The following DCDC1 variants were observed in gnomAD, a reference collection of about 807,000 sequenced individuals.
DCDC1 encodes the protein doublecortin domain containing 1, also known as doublecortin domain-containing protein 1.
In DCDC1, 200 loss-of-function variants were observed where a neutral mutation model predicts 178.3. That is an observed-to-expected ratio of 1.12 (90% CI 1.00 to 1.26). The LOEUF (loss-of-function observed/expected upper bound fraction) is 1.26. DCDC1 is among the 50% of genes most tolerant of loss of function. DCDC1 has a pLI of 0.00. For synonymous variants in DCDC1, 690 were observed against 604.8 expected (o/e 1.14, Z -2.07); for missense variants, 1,983 against 1,749.2 (o/e 1.13, Z -2.38).
intron 1 of DCDC1, among the ~76,000 whole-genome samples, chr11:31,364,527 C>T (rs1445109598): frequency 6.6e-6 from 1 of 151,990 alleles, no homozygotes; most frequent in East Asian, 1.9e-4. Context: ...AAGATAAAGA[C>T]CTATAAGAGG....
At chr11:31,094,827 G>A (rs527740221) in intron 15 of DCDC1, among the ~76,000 whole-genome samples, 2 of 151,942 alleles carry the variant, frequency 1.3e-5, no homozygotes, top group Non-Finnish European at 2.9e-5. Context: ...AAGTTCTGGG[G>A]TACATGTGCA....
At chr11:30,899,839 A>G (rs1944530712) in intron 33 of DCDC1, among the ~76,000 whole-genome samples, 197 bp from the exon 34 acceptor site, 1 of 152,130 alleles carries the variant, frequency 6.6e-6, no homozygotes, top group Non-Finnish European at 1.5e-5. Context: ...GGGTAAAAAA[A>G]AGAAGAACGA....
chr11:31,314,728 A>G (rs1948965800), intron 3 of DCDC1, among the ~76,000 whole-genome samples: 1 of 152,130 alleles, frequency 6.6e-6, no homozygotes, highest in Non-Finnish European at 1.5e-5. Flanking sequence ...GGTCAGGCAC[A>G]CCCAGAATAA....
chr11:30,920,722 G>T, intron 25 of DCDC1, 54 bp downstream of exon 25: 1 of 1,595,124 alleles, frequency 6.3e-7, no homozygotes, highest in South Asian at 1.1e-5. Flanking sequence ...TCGGGCTAAT[G>T]AGCTGAGTTC....
chr11:30,872,351 C>T (rs1407373311), intron 38 of DCDC1, among the ~76,000 whole-genome samples: 1 of 152,118 alleles, frequency 6.6e-6, no homozygotes, highest in Non-Finnish European at 1.5e-5. Flanking sequence ...GTAAAATACA[C>T]ACAGGATATG....
At chr11:31,282,282 T>G (rs1438777872) in intron 7 of DCDC1, among the ~76,000 whole-genome samples, 2 of 151,960 alleles carry the variant, frequency 1.3e-5, no homozygotes, top group Admixed American at 6.6e-5. Flanking sequence ...TAAATTTTCT[T>G]CTGTCTCAGT....
intron 9 of DCDC1, among the ~76,000 whole-genome samples, chr11:31,174,517 G>A (rs958931448): frequency 5.3e-5 from 8 of 152,114 alleles, no homozygotes; most frequent in African/African-American, 1.9e-4. Flanking sequence ...GGAGGCAGAC[G>A]GGCTTCTGAG....
intron 20 of DCDC1, among the ~76,000 whole-genome samples, chr11:31,044,593 C>T (rs976543512): frequency 4.6e-5 from 7 of 151,788 alleles, no homozygotes; most frequent in African/African-American, 1.7e-4. Context: ...TGAGAGTGGC[C>T]CTGAGTGACA....
chr11:31,057,973 GT>G (rs1955696902), intron 20 of DCDC1, among the ~76,000 whole-genome samples: 1 of 152,084 alleles, frequency 6.6e-6, no homozygotes, highest in Non-Finnish European at 1.5e-5. Context: ...GGACAGCTCT[GT>G]GTGGGGACAG....
At chr11:31,152,773 GT>G (rs1965303246) in intron 9 of DCDC1, among the ~76,000 whole-genome samples, 1 of 152,156 alleles carries the variant, frequency 6.6e-6, no homozygotes, top group African/African-American at 2.4e-5. Context: ...TTTGGTCCTA[GT>G]TGAGAGACAA....
At chr11:31,367,943 TA>T (rs1406227578) in intron 1 of DCDC1, among the ~76,000 whole-genome samples, 1 of 152,152 alleles carries the variant, frequency 6.6e-6, no homozygotes, top group Non-Finnish European at 1.5e-5. Context: ...AACAAGGTTC[TA>T]GTGAAGAAAT....
At chr11:31,321,843 A>G (rs995268619) in intron 3 of DCDC1, among the ~76,000 whole-genome samples, 4 of 152,210 alleles carry the variant, frequency 2.6e-5, no homozygotes, top group Non-Finnish European at 4.4e-5. Context: ...GAAAGAGAGA[A>G]CTATTAAATA....
At chr11:30,960,731 A>G (rs757252457) in intron 20 of DCDC1, among the ~76,000 whole-genome samples, 2 of 152,168 alleles carry the variant, frequency 1.3e-5, no homozygotes, top group Non-Finnish European at 2.9e-5. Flanking sequence ...GAAACGTTAT[A>G]TAAAACAAAA....
intron 20 of DCDC1, among the ~76,000 whole-genome samples, chr11:31,031,304 C>T (rs778760636): frequency 2.6e-5 from 4 of 152,110 alleles, no homozygotes; most frequent in Non-Finnish European, 5.9e-5. Context: ...GTTTTCATTA[C>T]TGACTTCTCA....
At chr11:30,932,062 C>G (rs1469198645) in intron 21 of DCDC1, 110 bp from the exon 22 acceptor site, 1 of 975,446 alleles carries the variant, frequency 1.0e-6, no homozygotes. Flanking sequence ...ATTCATTCAA[C>G]AAAAATGTAT....
intron 20 of DCDC1, among the ~76,000 whole-genome samples, chr11:31,028,338 G>T (rs955660137): frequency 6.6e-6 from 1 of 151,740 alleles, no homozygotes; most frequent in Non-Finnish European, 1.5e-5. Context: ...AAGGTTTTAA[G>T]ATTATCAGTA....
intron 9 of DCDC1, among the ~76,000 whole-genome samples, chr11:31,227,875 T>G (rs1416339492): frequency 6.6e-6 from 1 of 151,902 alleles, no homozygotes; most frequent in African/African-American, 2.4e-5. Flanking sequence ...TAAAACAAAA[T>G]GGACTTCAGA....
At chr11:31,065,469 A>G (rs1244086798) in intron 18 of DCDC1, among the ~76,000 whole-genome samples, 12 of 152,144 alleles carry the variant, frequency 7.9e-5, no homozygotes, top group Non-Finnish European at 1.3e-4. Flanking sequence ...GATACAAGGT[A>G]TTATTGTATA....
At chr11:31,300,341 C>A (rs111551120) in intron 6 of DCDC1, among the ~76,000 whole-genome samples, 137 of 152,248 alleles carry the variant, frequency 9.0e-4, no homozygotes, top group African/African-American at 3.1e-3. Context: ...AAAGTGGACA[C>A]AAGGTTCTGA....
Sources: gnomAD v4.1 joint callset for allele counts (sites outside exome capture counted in the v4.1 genomes callset) on GRCh38, gnomAD v4.1.1 for gene constraint, MANE v1.5 for transcripts, NCBI Gene and HGNC (gene_info 2026-07-23, HGNC 2026-07-21) for gene names.